The following KCNIP4 variants were observed in gnomAD, a reference collection of about 807,000 sequenced individuals.
KCNIP4 encodes potassium voltage-gated channel interacting protein 4, also known as Kv channel-interacting protein 4.
Under a neutral mutation model 34.0 loss-of-function variants are expected in KCNIP4, and 12 were observed. That is an observed-to-expected ratio of 0.35 (90% CI 0.23 to 0.57). The LOEUF (loss-of-function observed/expected upper bound fraction) is 0.57, where lower values mean the gene tolerates loss of function less well. Ranked by LOEUF, KCNIP4 falls within the 20% of genes least tolerant of loss-of-function variation. The pLI is 0.83. For missense variants in KCNIP4, 238 were observed against 311.7 expected, an observed-to-expected ratio of 0.76 and a Z score of 1.78; for synonymous variants, 124 against 102.2, an observed-to-expected ratio of 1.21 and a Z score of -1.29.
intron 1 of KCNIP4, among the ~76,000 whole-genome samples, chr4:20,986,936 G>GCT (rs3079767): frequency 0.45 from 67,911 of 151,844 alleles, 15,768 homozygotes; most frequent in African/African-American, 0.57. Context: ...TGCTTTCTGA[G>GCT]CTGTCTCTCA....
chr4:21,032,075 T>C (rs1169241824), intron 1 of KCNIP4, among the ~76,000 whole-genome samples: 1 of 152,102 alleles, frequency 6.6e-6, no homozygotes, highest in African/African-American at 2.4e-5. Flanking sequence ...CACCAAGACA[T>C]GGCAGATGAG....
intron 1 of KCNIP4, among the ~76,000 whole-genome samples, chr4:21,264,219 G>C (rs1761656746): frequency 6.6e-6 from 1 of 152,184 alleles, no homozygotes; most frequent in African/African-American, 2.4e-5. Flanking sequence ...TAAATTTTCA[G>C]CTGATGGTCA....
chr4:21,154,486 C>T (rs1431012495), intron 1 of KCNIP4, among the ~76,000 whole-genome samples: 1 of 152,148 alleles, frequency 6.6e-6, no homozygotes, highest in African/African-American at 2.4e-5. Flanking sequence ...ACCCCTGTGT[C>T]ATCCTCTATT....
At chr4:21,686,368 G>T (rs1050866759) in intron 1 of KCNIP4, among the ~76,000 whole-genome samples, 4 of 152,092 alleles carry the variant, frequency 2.6e-5, no homozygotes, top group Non-Finnish European at 5.9e-5. Context: ...TACAGCCAAG[G>T]CGGTATCTGT....
chr4:21,550,329 T>A (rs1738472755), intron 1 of KCNIP4, among the ~76,000 whole-genome samples: 1 of 152,074 alleles, frequency 6.6e-6, no homozygotes, highest in South Asian at 2.1e-4. Flanking sequence ...CTTGAAAACT[T>A]GATCAGTCAA....
intron 1 of KCNIP4, among the ~76,000 whole-genome samples, chr4:20,974,241 T>C (rs1182426729): frequency 6.6e-6 from 1 of 152,194 alleles, no homozygotes; most frequent in Non-Finnish European, 1.5e-5. Flanking sequence ...AAATTCAAAC[T>C]GTACTAAGGT....
chr4:21,544,889 C>A (rs757770103), intron 1 of KCNIP4, among the ~76,000 whole-genome samples: 2 of 151,632 alleles, frequency 1.3e-5, no homozygotes, highest in Non-Finnish European at 2.9e-5. Flanking sequence ...TCTTCTGCCA[C>A]TGGTTGGAGA....
chr4:21,400,519 T>TCCACTCCCCTCCCCTCC lies in KCNIP4; in HGVS notation c.62-517811_62-517810insGGAGGGGAGGGGAGTGG, dbSNP rs1560369219. 8.2e-4 allele frequency among the ~76,000 whole-genome samples: 38 copies of TCCACTCCCCTCCCCTCC among 46,226 alleles called. No homozygotes were observed. In the East Asian group the frequency reaches 0.021, roughly 26 times the overall value. 30.3% of individuals were successfully genotyped at this position (46,226 alleles called of 152,430 possible). ...CCTCCCTTCCCCTCCCTTCCTCTTC[T>TCCACTCCCCTCCCCTCC]CTTCTCTTCTCTTCTCTTCTCTTCT... is the stretch of plus-strand genomic sequence containing the variant. On this transcript the variant is annotated intron_variant, in intron 1 of 8. Transcript: ENST00000382152.
intron 1 of KCNIP4, among the ~76,000 whole-genome samples, chr4:21,135,559 A>G (rs1239030299): frequency 6.6e-6 from 1 of 152,240 alleles, no homozygotes; most frequent in Non-Finnish European, 1.5e-5. Context: ...ACTGAGGATT[A>G]TTAACTTGAT....
At chr4:21,643,167 T>C (rs1352406439) in intron 1 of KCNIP4, among the ~76,000 whole-genome samples, 1 of 152,184 alleles carries the variant, frequency 6.6e-6, no homozygotes, top group Non-Finnish European at 1.5e-5. Flanking sequence ...TGCATGTGGG[T>C]ATCTCAAATA....
intron 1 of KCNIP4, among the ~76,000 whole-genome samples, chr4:20,883,038 T>G (rs1449102340): frequency 7.5e-6 from 1 of 132,826 alleles, no homozygotes; most frequent in Non-Finnish European, 1.6e-5. Flanking sequence ...GGCCCTTAGA[T>G]CAGGGATAAA....
chr4:21,043,914 T>C (rs1303167654), intron 1 of KCNIP4, among the ~76,000 whole-genome samples: 1 of 152,204 alleles, frequency 6.6e-6, no homozygotes, highest in Non-Finnish European at 1.5e-5. Flanking sequence ...ACCATGGTCC[T>C]ATAGTATCCA....
chr4:21,918,918 T>G (rs1243585134), intron 1 of KCNIP4, among the ~76,000 whole-genome samples: 6 of 152,168 alleles, frequency 3.9e-5, no homozygotes, highest in Non-Finnish European at 8.8e-5. Flanking sequence ...TCTGGGGACC[T>G]GCGCTGTTAT....
intron 4 of KCNIP4, among the ~76,000 whole-genome samples, chr4:20,755,961 ACT>A (rs139170676): frequency 9.2e-4 from 140 of 152,042 alleles, no homozygotes; most frequent in African/African-American, 3.3e-3. Flanking sequence ...TTTGTAGGCC[ACT>A]CTGTAGGTTG....
At chr4:21,101,397 G>C (rs775036709) in intron 1 of KCNIP4, among the ~76,000 whole-genome samples, 3 of 151,984 alleles carry the variant, frequency 2.0e-5, no homozygotes, top group Non-Finnish European at 4.4e-5. Context: ...ATATGTTTGT[G>C]TGGGTGTATA....
chr4:21,033,491 G>T (rs1577569468), intron 1 of KCNIP4, among the ~76,000 whole-genome samples: 1 of 152,228 alleles, frequency 6.6e-6, no homozygotes, highest in Middle Eastern at 3.4e-3. Context: ...ATTGCATCTT[G>T]GCCCTAGGGG....
chr4:21,511,028 A>AG (rs1292435039), intron 1 of KCNIP4, among the ~76,000 whole-genome samples: 1 of 152,092 alleles, frequency 6.6e-6, no homozygotes, highest in African/African-American at 2.4e-5. Flanking sequence ...TGGGCGACAG[A>AG]GAAAGACCCT....
chr4:20,993,659 G>A (rs1169132637), intron 1 of KCNIP4, among the ~76,000 whole-genome samples: 1 of 152,202 alleles, frequency 6.6e-6, no homozygotes, highest in Non-Finnish European at 1.5e-5. Flanking sequence ...TGCAGCTTAT[G>A]TGCCTGAGAT....
intron 1 of KCNIP4, among the ~76,000 whole-genome samples, chr4:20,929,565 G>A (rs758669748): frequency 2.6e-5 from 4 of 151,844 alleles, no homozygotes; most frequent in African/African-American, 7.2e-5. Flanking sequence ...GAAATAAAAA[G>A]CATTTAAGTC....
Sources: allele counts gnomAD v4.1 joint callset (sites outside exome capture counted in the v4.1 genomes callset), GRCh38; gene constraint gnomAD v4.1.1; transcripts MANE v1.5; gene names NCBI Gene and HGNC (gene_info 2026-07-23, HGNC 2026-07-21).